BICD1: variants seen among roughly 807,000 people sequenced by gnomAD.
BICD1 encodes BICD cargo adaptor 1.
A neutral mutation model predicts 92.5 loss-of-function variants in BICD1; 35 were observed. The ratio of observed to expected loss-of-function variants is 0.38; its 90% CI spans 0.29 to 0.50. The LOEUF is 0.50. Among genes scored for constraint, BICD1 ranks in the 20% least tolerant of loss-of-function variants. The pLI is 0.93. For synonymous variants in BICD1, 429 were observed against 465.1 expected (o/e 0.92, Z 1.00); for missense variants, 950 against 1,189.8 (o/e 0.80, Z 2.97).
chr12:32,269,401 A>G (rs1297015725), intron 2 of BICD1, among the ~76,000 whole-genome samples: 1 of 152,220 alleles, frequency 6.6e-6, no homozygotes, highest in Non-Finnish European at 1.5e-5. Flanking sequence ...AACTTAGAGC[A>G]TATTCTTCCT....
At chr12:32,303,894 G>A (rs1948136179) in intron 3 of BICD1, among the ~76,000 whole-genome samples, 1 of 152,132 alleles carries the variant, frequency 6.6e-6, no homozygotes, top group African/African-American at 2.4e-5. Context: ...CTAACATGGT[G>A]AAACCCTGTC....
intron 1 of BICD1, among the ~76,000 whole-genome samples, chr12:32,114,557 T>A (rs1941820045): frequency 6.6e-6 from 1 of 151,942 alleles, no homozygotes; most frequent in Non-Finnish European, 1.5e-5. Flanking sequence ...ATTTTTGTAT[T>A]TTTTTTGTAG....
At chr12:32,308,633 C>A (rs1427423059) in intron 4 of BICD1, among the ~76,000 whole-genome samples, 1 of 152,004 alleles carries the variant, frequency 6.6e-6, no homozygotes, top group Non-Finnish European at 1.5e-5. Flanking sequence ...CCAATCACCC[C>A]AAAAGGGACT....
rs1948299768 is a variant in BICD1 at position 32,308,874 on chromosome 12, A to G, written c.1005+2752A>G. Among the ~76,000 whole-genome samples, 4 of 152,210 alleles carry G rather than the reference A, an allele frequency of 2.6e-5. No homozygotes were observed. The South Asian group carries it at 8.3e-4, about 31-fold the overall frequency. ...GGGCGCAGGTAGGTCCTTATATCCC[A>G]AAGTTTGCTCCAGATTTAGTTGTGA... On this transcript the variant is annotated intron_variant, in intron 4 of 9. Coordinates refer to ENST00000652176, the MANE Select transcript of BICD1 (RefSeq NM_001714.4).
At chr12:32,219,378 G>T (rs1411984938) in intron 2 of BICD1, among the ~76,000 whole-genome samples, 1 of 152,206 alleles carries the variant, frequency 6.6e-6, no homozygotes, top group Non-Finnish European at 1.5e-5. Flanking sequence ...GGTGGAAAAT[G>T]GAAAAATTGC....
rs1349717480 is a variant in BICD1, at chr12:32,337,882, T to C, written c.2570+66T>C. On this transcript the variant is annotated intron_variant, in intron 7 of 9. Transcript: ENST00000652176. The surrounding 1 kb of genome is among the most constrained non-coding windows in gnomAD (Gnocchi z 4.7). ...GATTTTAGTTAACTGCAAAAATAAATGTGCTCTTGTTGTGGAGGATGGAGG... is the reference window on the plus strand; with the variant it reads ...GATTTTAGTTAACTGCAAAAATAAACGTGCTCTTGTTGTGGAGGATGGAGG... The C allele has an allele frequency of 2.6e-6, 4 of 1,547,470 alleles. No individual in the cohort carries two copies. Among genetic ancestry groups the C allele is most frequent in the Non-Finnish European group, 3.6e-6 (4 of 1,122,398 alleles).
chr12:32,174,748 A>AT (rs900549906), intron 1 of BICD1, among the ~76,000 whole-genome samples: 1 of 151,996 alleles, frequency 6.6e-6, no homozygotes, highest in African/African-American at 2.4e-5. Flanking sequence ...TCCTTTCATT[A>AT]TTTTTTTCAT....
chr12:32,176,685 C>T (rs563530071), intron 1 of BICD1, among the ~76,000 whole-genome samples: 1 of 152,126 alleles, frequency 6.6e-6, no homozygotes, highest in African/African-American at 2.4e-5. Flanking sequence ...TTTGTGTTGT[C>T]TTCTTTCACT....
intron 1 of BICD1, chr12:32,107,825 A>T: frequency 1.5e-6 from 1 of 686,568 alleles, no homozygotes; most frequent in East Asian, 2.7e-5. Context: ...GCACTCTAAG[A>T]CGACATTCAA....
intron 3 of BICD1, among the ~76,000 whole-genome samples, chr12:32,303,988 T>A (rs1253973414): frequency 1.3e-5 from 2 of 151,696 alleles, no homozygotes; most frequent in Non-Finnish European, 2.9e-5. Flanking sequence ...GGCAGGAGAA[T>A]GGCGTCAACC....
intron 2 of BICD1, among the ~76,000 whole-genome samples, chr12:32,222,280 T>C (rs2121575624): frequency 6.6e-6 from 1 of 152,332 alleles, no homozygotes; most frequent in East Asian, 1.9e-4. Flanking sequence ...TCGACCTTAG[T>C]AGAGATTAAG....
At chr12:32,208,701 G>A (rs1005311904) in intron 1 of BICD1, among the ~76,000 whole-genome samples, 15 of 152,188 alleles carry the variant, frequency 9.9e-5, no homozygotes, top group Admixed American at 5.9e-4. Context: ...AAGACTCTTT[G>A]CTGCTGGAAT....
intron 2 of BICD1, among the ~76,000 whole-genome samples, chr12:32,241,378 G>A (rs1306315764): frequency 1.3e-5 from 2 of 152,198 alleles, no homozygotes; most frequent in Non-Finnish European, 2.9e-5. Flanking sequence ...CTAGAATGCA[G>A]TTCTCTCCCC....
chr12:32,139,798 G>C (rs1942848487), intron 1 of BICD1, among the ~76,000 whole-genome samples: 1 of 152,084 alleles, frequency 6.6e-6, no homozygotes, highest in African/African-American at 2.4e-5. Context: ...CTGACCTCGC[G>C]ATCCGCCCGC....
intron 5 of BICD1, among the ~76,000 whole-genome samples, chr12:32,330,470 T>G (rs758838747): frequency 6.6e-6 from 1 of 151,716 alleles, no homozygotes; most frequent in African/African-American, 2.4e-5. Context: ...ATTTACCTAA[T>G]GTAAATGACG....
intron 8 of BICD1, among the ~76,000 whole-genome samples, chr12:32,350,288 G>A (rs1938809758): frequency 6.6e-6 from 1 of 152,094 alleles, no homozygotes; most frequent in African/African-American, 2.4e-5. Flanking sequence ...TTCAAGACCA[G>A]CCTGGGCAAC....
intron 4 of BICD1, among the ~76,000 whole-genome samples, chr12:32,307,929 T>C (rs1948273514): frequency 6.6e-6 from 1 of 152,342 alleles, no homozygotes; most frequent in Middle Eastern, 3.4e-3. Flanking sequence ...GTTAGTGGGT[T>C]CAGGCTTTTT....
At chr12:32,235,239 A>G (rs1286427876) in intron 2 of BICD1, among the ~76,000 whole-genome samples, 1 of 152,168 alleles carries the variant, frequency 6.6e-6, no homozygotes, top group African/African-American at 2.4e-5. Flanking sequence ...GGTGTCCCAC[A>G]AGCTTTCTTG....
intron 1 of BICD1, among the ~76,000 whole-genome samples, chr12:32,210,567 C>A (rs1267179090): frequency 6.6e-6 from 1 of 152,160 alleles, no homozygotes; most frequent in African/African-American, 2.4e-5. Context: ...ACATAGCTAA[C>A]TGGACTTACA....
Sources: allele counts gnomAD v4.1 joint callset (sites outside exome capture counted in the v4.1 genomes callset), GRCh38; gene constraint gnomAD v4.1.1; non-coding constraint Gnocchi (gnomAD v3.1); transcripts MANE v1.5; gene names NCBI Gene and HGNC (gene_info 2026-07-23, HGNC 2026-07-21).